The following ATAT1 variants were observed in gnomAD, a reference collection of about 807,000 sequenced individuals.
ATAT1 encodes the protein alpha tubulin acetyltransferase 1.
ATAT1 carries 42 observed loss-of-function variants against 57.2 expected under a neutral mutation model. The ratio of observed to expected loss-of-function variants is 0.73; its 90% confidence interval spans 0.57 to 0.95. The LOEUF is 0.95. Ranked by LOEUF, ATAT1 falls within the 40% of genes least tolerant of loss-of-function variation. ATAT1 has a pLI of 0.00. For missense variants in ATAT1, 454 were observed against 523.7 expected (o/e 0.87, Z 1.30); for synonymous variants, 168 against 187.1 (o/e 0.90, Z 0.83).
chr6:30,636,428 C>A (rs1364733493), intron 6 of ATAT1, among the ~76,000 whole-genome samples: 2 of 151,324 alleles, frequency 1.3e-5, no homozygotes, highest in African/African-American at 4.9e-5. Context: ...ACTAAAAATA[C>A]AAAAAAAATT....
At chr6:30,627,799 T>C (rs1198137139) in intron 3 of ATAT1, 52 bp from the exon 4 acceptor site, 1 of 1,606,248 alleles carries the variant, frequency 6.2e-7, no homozygotes, top group African/African-American at 1.3e-5. Flanking sequence ...TCTTTGACTA[T>C]CTCTTGCAGA....
At position 30,628,144 on chromosome 6, in the gene ATAT1, AG is replaced by A; in HGVS notation, c.399+1del. ...CGAGAACTCTTCCAGTATATGTTGC[AG>A]GTATCACTGACCTCTTCACTGGTTC... On this transcript the variant is annotated frameshift_variant and splice_region_variant, in exon 5 of 13. Transcript: ENST00000330083. LOFTEE classifies it high-confidence loss of function. The A allele has an allele frequency of 6.2e-7, 1 of 1,611,928 alleles. No homozygotes were observed. The highest frequency in any genetic ancestry group is 8.5e-7 in the Non-Finnish European group (1 of 1,179,096).
intron 6 of ATAT1, among the ~76,000 whole-genome samples, chr6:30,637,499 A>G (rs1008967239): frequency 2.6e-5 from 4 of 152,060 alleles, no homozygotes; most frequent in East Asian, 1.9e-4. Context: ...CCTGGCCAAC[A>G]TGGCGAAACC....
rs779338691 is a variant in ATAT1, at chr6:30,645,991, C to T, written c.1012+17C>T. The T allele has an allele frequency of 7.6e-5, 122 of 1,599,234 alleles. No individual in the cohort carries two copies. Among genetic ancestry groups the T allele is most frequent in the Non-Finnish European group, 1.0e-4 (120 of 1,172,410 alleles). On this transcript the variant is annotated intron_variant, in intron 11 of 12. Coordinates refer to ENST00000330083, the MANE Select transcript of ATAT1 (RefSeq NM_001031722.4). Reference sequence around the variant, plus strand: ...CCAATACAGGTAAGTATTCACTCCTCCCTACCCTCAAATCAAGTAGGCCAC... The same window carrying T: ...CCAATACAGGTAAGTATTCACTCCTTCCTACCCTCAAATCAAGTAGGCCAC...
intron 9 of ATAT1, 79 bp from the exon 10 acceptor site, chr6:30,642,689 C>A: frequency 1.1e-6 from 1 of 912,390 alleles, no homozygotes; most frequent in Non-Finnish European, 1.7e-6. Context: ...CTCTTTTTTT[C>A]TACCAAAACC....
At chr6:30,644,886 T>C (rs1485473941) in intron 10 of ATAT1, among the ~76,000 whole-genome samples, 2 of 152,192 alleles carry the variant, frequency 1.3e-5, no homozygotes, top group African/African-American at 4.8e-5. Context: ...TCCCTGTGTG[T>C]GGGCTTCCGT....
Position 30,642,830 on chromosome 6 carries a change from C to CCCGGGGGGGGGGGG in ATAT1, c.752_753insCGGGGGGGGGGGGC (p.Ala252GlyfsTer72). On this transcript the variant is annotated frameshift_variant, in exon 10 of 13. Coordinates refer to ENST00000330083, the MANE Select transcript of ATAT1 (RefSeq NM_001031722.4). LOFTEE classifies it high-confidence loss of function. Reference sequence around the variant, plus strand: ...CAGGGCCCCTCGCCGCGCCACACCTCCAGCCCACCCACCCCCCCGCTCCAG... The same window carrying CCCGGGGGGGGGGGG: ...CAGGGCCCCTCGCCGCGCCACACCTCCCGGGGGGGGGGGGCAGCCCACCCACCCCCCCGCTCCAG... The CCCGGGGGGGGGGGG allele has an allele frequency of 6.3e-7, 1 of 1,595,548 alleles. No homozygotes were observed. The highest frequency in any genetic ancestry group is 8.5e-7 in the Non-Finnish European group (1 of 1,171,960).
rs766629731 is a variant in ATAT1, at chr6:30,642,741, C to T, written c.689-27C>T. ...TCTTCCTTTTTTCTTCTTTTTCTGT[C>T]TTGCTCTTCATTCTCCCTGTCCCCA... On this transcript the variant is annotated intron_variant, in intron 9 of 12. Transcript: ENST00000330083. 4.9e-6 allele frequency: 7 copies of T among 1,432,504 alleles called. No homozygotes were observed. The Admixed American group carries it at 6.7e-5, about 14-fold the overall frequency. The allele number at this position is 1,432,504 out of a possible 1,614,324, so 88.7% of individuals were successfully genotyped here.
chr6:30,646,087 G>A lies in ATAT1; in HGVS notation c.1033G>A (p.Gly345Arg). 2 of 1,610,416 alleles carry A rather than the reference G, an allele frequency of 1.2e-6. No homozygotes were observed. The highest frequency in any genetic ancestry group is 8.5e-7 in the Non-Finnish European group (1 of 1,178,280). The change falls in exon 12 of 13, where the codon GGA (glycine) becomes AGA (arginine). Residue 345 changes from glycine (G) to arginine (R), a missense_variant. Coordinates refer to ENST00000330083, the MANE Select transcript of ATAT1 (RefSeq NM_001031722.4). ...CACAGGCAACCAAGACTCCAAGCAG[G>A]GAGAACAGGAAACAAAGAATAGGTG...
chr6:30,645,371 G>A (rs555362718), intron 10 of ATAT1, among the ~76,000 whole-genome samples: 78 of 152,026 alleles, frequency 5.1e-4, no homozygotes, highest in Non-Finnish European at 1.0e-3. Context: ...GTGCACCACC[G>A]TGCCCAGCTA....
At chr6:30,646,337 G>A (rs1233908960) in intron 12 of ATAT1, 132 bp from the exon 13 acceptor site, 2 of 1,446,900 alleles carry the variant, frequency 1.4e-6, no homozygotes, top group Non-Finnish European at 1.8e-6. Context: ...TTTGGACATA[G>A]CACTAATGGT....
intron 9 of ATAT1, among the ~76,000 whole-genome samples, 167 bp downstream of exon 9, chr6:30,642,414 A>G (rs962958826): frequency 2.0e-5 from 3 of 152,152 alleles, no homozygotes; most frequent in Non-Finnish European, 4.4e-5. Flanking sequence ...AGGCTAAGGC[A>G]GGCAGATCGC....
chr6:30,640,232 G>A, intron 6 of ATAT1, 145 bp from the exon 7 acceptor site: 1 of 801,584 alleles, frequency 1.2e-6, no homozygotes. Flanking sequence ...ATATAGTCTG[G>A]GTGTGTTGTA....
Position 30,645,942 on chromosome 6 carries a change from A to AT in ATAT1, c.981dup (p.Gly328TrpfsTer25). On this transcript the variant is annotated frameshift_variant, in exon 11 of 13. Transcript: ENST00000330083. LOFTEE classifies it high-confidence loss of function. ...GCCCAAAGCTGCTGCTACAGCCGCC[A>AT]TGGGGGGGTGAATTCCTCATCCCCC... The AT allele has an allele frequency of 6.5e-7, 1 of 1,538,746 alleles. No homozygotes were observed. The highest frequency in any genetic ancestry group is 1.3e-5 in the South Asian group (1 of 78,868).
At chr6:30,642,392 C>A (rs1028269930) in intron 9 of ATAT1, 145 bp downstream of exon 9, 7 of 1,203,484 alleles carry the variant, frequency 5.8e-6, no homozygotes, top group Non-Finnish European at 7.1e-6. Flanking sequence ...CCTGTAATCC[C>A]AGCACTTTGA....
Position 30,642,840 on chromosome 6 carries a change from C to G in ATAT1, c.761C>G (p.Pro254Arg). Reference sequence around the variant, plus strand: ...CGCCGCGCCACACCTCCAGCCCACCCACCCCCCCGCTCCAGCAGCCTGGGA... The same window carrying G: ...CGCCGCGCCACACCTCCAGCCCACCGACCCCCCCGCTCCAGCAGCCTGGGA... The change falls in exon 10 of 13, where the codon CCA becomes CGA. Residue 254 changes from proline (P) to arginine (R), a missense_variant. Coordinates refer to ENST00000330083, the MANE Select transcript of ATAT1 (RefSeq NM_001031722.4). The G allele has an allele frequency of 1.3e-6, 1 of 769,658 alleles. No homozygotes were observed. Among genetic ancestry groups the G allele is most frequent in the Middle Eastern group, 4.3e-4 (1 of 2,352 alleles). The allele number at this position is 769,658 out of a possible 1,614,324, so 47.7% of individuals were successfully genotyped here.
At chr6:30,629,258 T>G (rs1309779868) in intron 6 of ATAT1, among the ~76,000 whole-genome samples, 2 of 151,696 alleles carry the variant, frequency 1.3e-5, no homozygotes, top group East Asian at 1.9e-4. Flanking sequence ...TTTTTTTTTT[T>G]TGTGAGATGT....
chr6:30,642,873 C>T lies in ATAT1; in HGVS notation c.794C>T (p.Pro265Leu). The change falls in exon 10 of 13, where the codon CCA becomes CTA. Residue 265 changes from proline to leucine, a missense_variant. Transcript: ENST00000330083. ...CGCTCCAGCAGCCTGGGAAACTCAC[C>T]AGAACGAGGTCCCCTCCGCCCCTTT... The T allele has an allele frequency of 6.3e-7, 1 of 1,578,860 alleles. No homozygotes were observed.
chr6:30,629,013 C>T (rs1762273748), intron 6 of ATAT1, among the ~76,000 whole-genome samples: 1 of 151,324 alleles, frequency 6.6e-6, no homozygotes, highest in South Asian at 2.1e-4. Context: ...CGATACTCCT[C>T]CCTTAGCCTC....
Sources: gnomAD v4.1 joint callset for allele counts (sites outside exome capture counted in the v4.1 genomes callset) on GRCh38, gnomAD v4.1.1 for gene constraint, MANE v1.5 for transcripts, NCBI Gene and HGNC (gene_info 2026-07-23, HGNC 2026-07-21) for gene names.